Variants in TNFAIP8 observed in about 807,000 individuals in gnomAD.
TNFAIP8 encodes TNF alpha induced protein 8, also known as tumor necrosis factor alpha-induced protein 8.
TNFAIP8 carries 7 observed loss-of-function variants against 13.3 expected under a neutral mutation model. The ratio of observed to expected loss-of-function variants is 0.52; its 90% CI spans 0.30 to 0.99. The LOEUF (loss-of-function observed/expected upper bound fraction) is 0.99, where lower values mean the gene tolerates loss of function less well. Among genes scored for constraint, TNFAIP8 ranks in the 50% least tolerant of loss-of-function variants. The pLI is 0.07. For missense variants in TNFAIP8, 258 were observed against 236.9 expected, an observed-to-expected ratio of 1.09 and a Z score of -0.58; for synonymous variants, 94 against 87.6, an observed-to-expected ratio of 1.07 and a Z score of -0.41.
At chr5:119,285,163 GAGGCGAGC>G (rs1450095843) in intron 1 of TNFAIP8, among the ~76,000 whole-genome samples, 1 of 152,154 alleles carries the variant, frequency 6.6e-6, no homozygotes, top group Non-Finnish European at 1.5e-5. Flanking sequence ...CGAGCAGGAG[GAGGCGAGC>G]AGGCGAGCAG....
Position 119,356,087 on chromosome 5 carries a change from C to T in TNFAIP8, c.-4C>T, listed in dbSNP as rs760916143. On this transcript the variant is annotated 5_prime_UTR_variant, in exon 1 of 2. Coordinates refer to ENST00000504771, the MANE Select transcript of TNFAIP8 (RefSeq NM_014350.4). ...TCGCCCCTGCAGCTGGTTATCCTGA[C>T]ATTATGCACTCCGAAGCAGAAGAAT... 6.3e-7 allele frequency: 1 copy of T among 1,587,612 alleles called. No individual in the cohort carries two copies. Among genetic ancestry groups the T allele is most frequent in the Admixed American group, 1.8e-5 (1 of 56,858 alleles).
At chr5:119,348,584 G>A (rs1414057302) in intron 1 of TNFAIP8, among the ~76,000 whole-genome samples, 2 of 152,090 alleles carry the variant, frequency 1.3e-5, no homozygotes, top group African/African-American at 4.8e-5. Flanking sequence ...CCAGGTAGAG[G>A]ATTAAACAAT....
intron 1 of TNFAIP8, among the ~76,000 whole-genome samples, chr5:119,380,987 G>A (rs1045916138): frequency 3.3e-5 from 5 of 152,180 alleles, no homozygotes; most frequent in Non-Finnish European, 5.9e-5. Flanking sequence ...GCCAGAGTAC[G>A]TCTGAAAATT....
At chr5:119,360,378 G>A (rs1425080796) in intron 1 of TNFAIP8, among the ~76,000 whole-genome samples, 1 of 152,154 alleles carries the variant, frequency 6.6e-6, no homozygotes, top group Non-Finnish European at 1.5e-5. Flanking sequence ...AGATTAGTGT[G>A]GTTATAGACC....
chr5:119,297,471 C>A (rs1396952533), intron 1 of TNFAIP8, among the ~76,000 whole-genome samples: 6 of 152,064 alleles, frequency 3.9e-5, no homozygotes, highest in Non-Finnish European at 7.3e-5. Context: ...GTCTGAGAGA[C>A]AGTTTGTTAT....
rs1562042148 is a variant in TNFAIP8 at position 119,399,323 on chromosome 5, C to G, written c.*5942C>G. On this transcript the variant is annotated 3_prime_UTR_variant, in exon 2 of 2. Coordinates refer to ENST00000504771, the MANE Select transcript of TNFAIP8 (RefSeq NM_014350.4). ...CAGCTTCTGCCTGCCAGGGAGCTCG[C>G]TCATGTTGTCTCTGAAATTTGCATA... The G allele has an allele frequency of 6.6e-6, 1 of 152,140 alleles. No homozygotes were observed. The highest frequency in any genetic ancestry group is 2.4e-5 in the African/African-American group (1 of 41,416). The allele number at this position is 152,140 out of a possible 1,614,324, so 9.4% of individuals were successfully genotyped here.
At chr5:119,286,854 A>G (rs1748814194) in intron 1 of TNFAIP8, among the ~76,000 whole-genome samples, 1 of 152,160 alleles carries the variant, frequency 6.6e-6, no homozygotes, top group Non-Finnish European at 1.5e-5. Context: ...ATTAAATAGA[A>G]CAACAAATGC....
At chr5:119,355,094 C>G, upstream of TNFAIP8, 1 of 537,010 alleles carries the variant, frequency 1.9e-6, no homozygotes, top group Non-Finnish European at 3.3e-6. Flanking sequence ...GACTTCCTCT[C>G]AGCCAATTTG....
chr5:119,344,858 G>A (rs1750848835), intron 1 of TNFAIP8, among the ~76,000 whole-genome samples: 1 of 152,156 alleles, frequency 6.6e-6, no homozygotes, highest in Admixed American at 6.5e-5. Context: ...ATAATATTAA[G>A]TACGGTTAAT....
At chr5:119,295,026 G>A (rs1042880839) in intron 1 of TNFAIP8, among the ~76,000 whole-genome samples, 3 of 151,920 alleles carry the variant, frequency 2.0e-5, no homozygotes, top group Admixed American at 1.3e-4. Flanking sequence ...CTTTTGCTGT[G>A]CAGAAGCTCT....
chr5:119,336,879 A>G (rs1050639714), intron 1 of TNFAIP8, among the ~76,000 whole-genome samples: 2 of 152,224 alleles, frequency 1.3e-5, no homozygotes, highest in Non-Finnish European at 2.9e-5. Flanking sequence ...ACAGCTTAAC[A>G]TGGACCATTT....
At chr5:119,288,974 C>T (rs775863218) in intron 1 of TNFAIP8, among the ~76,000 whole-genome samples, 5 of 152,228 alleles carry the variant, frequency 3.3e-5, no homozygotes, top group Admixed American at 1.3e-4. Context: ...AAGCCACATT[C>T]ACTCCTTTTT....
intron 1 of TNFAIP8, among the ~76,000 whole-genome samples, chr5:119,365,791 C>T (rs908396460): frequency 6.6e-6 from 1 of 152,100 alleles, no homozygotes; most frequent in African/African-American, 2.4e-5. Flanking sequence ...TCCTCAATAT[C>T]ACAAGTCTAA....
At chr5:119,346,600 A>T (rs1750908988) in intron 1 of TNFAIP8, among the ~76,000 whole-genome samples, 1 of 152,222 alleles carries the variant, frequency 6.6e-6, no homozygotes, top group Non-Finnish European at 1.5e-5. Context: ...GTTCCACATC[A>T]CATTTCAACT....
In TNFAIP8 at chr5:119,296,261, G is replaced by A. The variant is rs1209244718; in HGVS notation, c.1+27354G>A. Among the ~76,000 whole-genome samples the A allele has an allele frequency of 4.0e-3, 609 of 150,384 alleles. 1 individual carries two copies. The highest frequency in any genetic ancestry group is 0.014 in the African/African-American group (568 of 39,858). ...CCATTCAGTATGATATTGGCTGTGG[G>A]TTTTTCATAGATAGCTCTTATTATT... On this transcript the variant is annotated intron_variant, in intron 1 of 1. Transcript: ENST00000274456.
In TNFAIP8 at chr5:119,392,917, G is replaced by C. The variant is rs755736608; in HGVS notation, c.133G>C (p.Asp45His). 2 of 1,602,642 alleles carry C rather than the reference G, an allele frequency of 1.2e-6. No individual in the cohort carries two copies. Among genetic ancestry groups the C allele is most frequent in the East Asian group, 2.3e-5 (1 of 44,314 alleles). ...SKSIATTLID[D>H]TSSEVLDELY... ...ATCCATCGCCACCACCTTAATAGAC[G>C]ACACAAGTAGTGAGGTGCTGGATGA... The change falls in exon 2 of 2, where the codon GAC becomes CAC. Residue 45 changes from aspartate to histidine, a missense_variant. Asp to His is a moderately conservative substitution (Grantham distance 81). Coordinates refer to ENST00000504771, the MANE Select transcript of TNFAIP8 (RefSeq NM_014350.4).
chr5:119,278,099 T>G (rs1748512335), intron 1 of TNFAIP8, among the ~76,000 whole-genome samples: 1 of 152,084 alleles, frequency 6.6e-6, no homozygotes, highest in Non-Finnish European at 1.5e-5. Flanking sequence ...TAGACTGCAA[T>G]TAAGCAAATG....
chr5:119,331,087 C>T (rs898171956), intron 1 of TNFAIP8, among the ~76,000 whole-genome samples: 6 of 152,200 alleles, frequency 3.9e-5, no homozygotes, highest in African/African-American at 1.4e-4. Flanking sequence ...CCTCCACTCT[C>T]CTCCTTGCCT....
At chr5:119,333,846 A>G (rs1750461646) in intron 1 of TNFAIP8, among the ~76,000 whole-genome samples, 1 of 152,156 alleles carries the variant, frequency 6.6e-6, no homozygotes, top group South Asian at 2.1e-4. Context: ...AGGTATGAGT[A>G]TTGTGGGTGG....
Sources: gnomAD v4.1 joint callset for allele counts (sites outside exome capture counted in the v4.1 genomes callset) on GRCh38, gnomAD v4.1.1 for gene constraint, MANE v1.5 for transcripts, NCBI Gene and HGNC (gene_info 2026-07-23, HGNC 2026-07-21) for gene names.